TLL2: variants seen among roughly 807,000 people sequenced by gnomAD.
TLL2 encodes tolloid-like protein 2.
A neutral mutation model predicts 123.0 loss-of-function variants in TLL2; 106 were observed. The ratio of observed to expected loss-of-function variants is 0.86; its 90% CI spans 0.74 to 1.01. The LOEUF is 1.01. Ranked by LOEUF, TLL2 falls within the 50% of genes least tolerant of loss-of-function variation. TLL2 has a pLI of 0.00. For missense variants in TLL2, 1,332 were observed against 1,336.7 expected, an observed-to-expected ratio of 1.00 and a Z score of 0.06; for synonymous variants, 494 against 516.8, an observed-to-expected ratio of 0.96 and a Z score of 0.60.
At chr10:96,458,306 G>A (rs942725952) in intron 2 of TLL2, among the ~76,000 whole-genome samples, 15 of 152,092 alleles carry the variant, frequency 9.9e-5, no homozygotes, top group Admixed American at 4.6e-4. Context: ...AAATTTGTCC[G>A]CCAGGTACAG....
Position 96,453,317 on chromosome 10 carries a change from G to A in TLL2, c.287-7149C>T, listed in dbSNP as rs902646068. On this transcript the variant is annotated intron_variant, in intron 2 of 20. Transcript: ENST00000357947. ...CTAAGAATACAAAAATTAGCCAGGC[G>A]TGGTGGCGCGCACCTGTAATTACAG... 3.2e-4 allele frequency among the ~76,000 whole-genome samples: 49 copies of A among 152,074 alleles called. 1 individual carries two copies. Among genetic ancestry groups the A allele is most frequent in the Non-Finnish European group, 1.5e-5 (1 of 68,008 alleles).
chr10:96,484,967 G>A (rs1847344469), intron 1 of TLL2, among the ~76,000 whole-genome samples: 1 of 152,188 alleles, frequency 6.6e-6, no homozygotes, highest in Non-Finnish European at 1.5e-5. Flanking sequence ...TATGAATTGA[G>A]ACTCATGCTC....
At chr10:96,471,377 T>C (rs532030723) in intron 2 of TLL2, among the ~76,000 whole-genome samples, 6 of 152,220 alleles carry the variant, frequency 3.9e-5, no homozygotes, top group Non-Finnish European at 5.9e-5. Flanking sequence ...AATCCAAGCA[T>C]CTGATAGAGC....
At chr10:96,502,082 A>C (rs141843461) in intron 1 of TLL2, among the ~76,000 whole-genome samples, 4 of 152,304 alleles carry the variant, frequency 2.6e-5, no homozygotes, top group African/African-American at 9.6e-5. Flanking sequence ...GGAAGGCCTC[A>C]TGGGGGAAAT....
chr10:96,406,582 A>G (rs772366707), intron 9 of TLL2, among the ~76,000 whole-genome samples: 7 of 152,142 alleles, frequency 4.6e-5, no homozygotes, highest in Non-Finnish European at 8.8e-5. Flanking sequence ...CTTAGGCTGG[A>G]AGGCTTCCTC....
chr10:96,417,072 C>A (rs751420959), intron 7 of TLL2, among the ~76,000 whole-genome samples: 5 of 152,118 alleles, frequency 3.3e-5, no homozygotes, highest in Non-Finnish European at 5.9e-5. Flanking sequence ...ACAGCTCAAT[C>A]GTAAAGAGAC....
At chr10:96,416,178 A>C (rs1446550518) in intron 7 of TLL2, among the ~76,000 whole-genome samples, 1 of 152,214 alleles carries the variant, frequency 6.6e-6, no homozygotes, top group African/African-American at 2.4e-5. Context: ...CCCTAACGAA[A>C]GGTGTGTCCT....
intron 3 of TLL2, among the ~76,000 whole-genome samples, chr10:96,443,829 T>C (rs911404338): frequency 5.9e-5 from 9 of 152,166 alleles, no homozygotes; most frequent in Non-Finnish European, 1.2e-4. Flanking sequence ...AGTCAAAATA[T>C]CCTTAAATAA....
intron 2 of TLL2, among the ~76,000 whole-genome samples, chr10:96,448,468 A>G (rs1846922026): frequency 6.6e-6 from 1 of 152,046 alleles, no homozygotes; most frequent in African/African-American, 2.4e-5. Flanking sequence ...CATCTGTCAA[A>G]TGGACTATTG....
intron 3 of TLL2, among the ~76,000 whole-genome samples, chr10:96,434,429 G>T (rs1013163772): frequency 6.6e-6 from 1 of 152,102 alleles, no homozygotes; most frequent in Admixed American, 6.6e-5. Flanking sequence ...ACATTTCCTA[G>T]AGATGGAATC....
At chr10:96,385,808 C>T (rs75368049) in intron 15 of TLL2, among the ~76,000 whole-genome samples, 4,848 of 152,314 alleles carry the variant, frequency 0.032, 105 homozygotes, top group Non-Finnish European at 0.046. Flanking sequence ...CTGCCTCTTC[C>T]ACTCTTGTCC....
chr10:96,452,323 A>G (rs1029509429), intron 2 of TLL2, among the ~76,000 whole-genome samples: 2 of 152,212 alleles, frequency 1.3e-5, no homozygotes, highest in African/African-American at 4.8e-5. Context: ...CTAGCAAAAA[A>G]CAAACAAACA....
intron 1 of TLL2, 90 bp downstream of exon 1, chr10:96,513,421 G>C: frequency 6.6e-7 from 1 of 1,514,852 alleles, no homozygotes; most frequent in Non-Finnish European, 9.0e-7. Flanking sequence ...GGGGAGACCC[G>C]CCCCATAGAC....
At chr10:96,490,137 T>C (rs1233612151) in intron 1 of TLL2, among the ~76,000 whole-genome samples, 2 of 151,906 alleles carry the variant, frequency 1.3e-5, no homozygotes, top group Non-Finnish European at 2.9e-5. Flanking sequence ...TAAAATAATA[T>C]AGCTAGGAAC....
chr10:96,500,133 A>G (rs1339631306), intron 1 of TLL2, among the ~76,000 whole-genome samples: 1 of 119,136 alleles, frequency 8.4e-6, no homozygotes, highest in Non-Finnish European at 1.7e-5. Context: ...AAAAGAAAAA[A>G]AAATCTCTAC....
intron 5 of TLL2, among the ~76,000 whole-genome samples, chr10:96,423,948 A>G (rs1846651729): frequency 6.6e-6 from 1 of 152,216 alleles, no homozygotes; most frequent in Non-Finnish European, 1.5e-5. Context: ...AATATGTACA[A>G]GTACACAATG....
At chr10:96,370,011 C>A in intron 20 of TLL2, 54 bp downstream of exon 20, 1 of 1,501,950 alleles carries the variant, frequency 6.7e-7, no homozygotes, top group South Asian at 1.3e-5. Flanking sequence ...GACTCCACAA[C>A]TCCTGCTGTG....
rs181617759 is a variant in TLL2 at position 96,425,381 on chromosome 10, G to A, written c.639-2654C>T. Among the ~76,000 whole-genome samples the A allele has an allele frequency of 3.9e-3, 584 of 151,368 alleles. 2 individuals carry two copies. The highest frequency in any genetic ancestry group is 0.011 in the African/African-American group (455 of 41,266). On this transcript the variant is annotated intron_variant, in intron 5 of 20. Transcript: ENST00000357947. ...TATGTATGCATACATACACATGTAC[G>A]TATATATCTATAAATGTTGGTGTTT...
intron 20 of TLL2, 93 bp downstream of exon 20, chr10:96,369,972 G>A: frequency 6.8e-7 from 1 of 1,466,298 alleles, no homozygotes. Flanking sequence ...AGTGGAGTAG[G>A]TGGCCGGGAC....
Sources: gnomAD v4.1 joint callset for allele counts (sites outside exome capture counted in the v4.1 genomes callset) on GRCh38, gnomAD v4.1.1 for gene constraint, MANE v1.5 for transcripts, NCBI Gene and HGNC (gene_info 2026-07-23, HGNC 2026-07-21) for gene names.